The following DRGX variants were observed in gnomAD, a reference collection of about 807,000 sequenced individuals.
DRGX encodes the protein dorsal root ganglia homeobox protein.
In DRGX, 21 loss-of-function variants were observed where a neutral mutation model predicts 28.6. The ratio of observed to expected loss-of-function variants is 0.73; its 90% CI spans 0.52 to 1.06. The LOEUF (loss-of-function observed/expected upper bound fraction) is 1.06. DRGX is among the 50% of genes least tolerant of loss of function. The probability of loss-of-function intolerance (pLI) is 0.00; values close to 1 mark genes in which losing one functional copy is unlikely to be tolerated. For missense variants in DRGX, 354 were observed against 343.9 expected, an observed-to-expected ratio of 1.03 and a Z score of -0.23; for synonymous variants, 136 against 139.1, an observed-to-expected ratio of 0.98 and a Z score of 0.16.
At chr10:49,387,605 G>T (rs564997387) in intron 4 of DRGX, among the ~76,000 whole-genome samples, 1 of 150,940 alleles carries the variant, frequency 6.6e-6, no homozygotes, top group African/African-American at 2.4e-5. Context: ...AGAGGTCGCA[G>T]TGAGCCGAGA....
Position 49,382,300 on chromosome 10 carries a change from C to T in DRGX, c.526+4178G>A, listed in dbSNP as rs1041077580. ...GTGATGTGTGAGCAAGCGACTTCCC[C>T]TCCCCAAGCCTCGGTTTCTCATTTA... On this transcript the variant is annotated intron_variant, in intron 6 of 6. Transcript: ENST00000374139. 2.0e-5 allele frequency among the ~76,000 whole-genome samples: 3 copies of T among 152,176 alleles called. No individual in the cohort carries two copies. The South Asian group carries it at 6.2e-4, about 32-fold the overall frequency.
At chr10:49,371,124 A>T (rs1289989811) in intron 6 of DRGX, among the ~76,000 whole-genome samples, 2 of 152,154 alleles carry the variant, frequency 1.3e-5, no homozygotes, top group African/African-American at 4.8e-5. Context: ...TTTGCAAAGG[A>T]AAAAAATTAT....
chr10:49,384,164 A>G (rs1338739500), intron 6 of DRGX, among the ~76,000 whole-genome samples: 1 of 152,200 alleles, frequency 6.6e-6, no homozygotes, highest in African/African-American at 2.4e-5. Flanking sequence ...GGCCTCTCTC[A>G]GAAGTGGGAA....
intron 3 of DRGX, 60 bp downstream of exon 3, chr10:49,391,104 A>G (rs1849898341): frequency 1.3e-6 from 2 of 1,543,834 alleles, no homozygotes. Context: ...GAGTTGCTCA[A>G]CTTTGATTTG....
At chr10:49,379,558 C>T (rs900625328) in intron 6 of DRGX, among the ~76,000 whole-genome samples, 1 of 152,204 alleles carries the variant, frequency 6.6e-6, no homozygotes, top group African/African-American at 2.4e-5. Context: ...TGTGGACAAA[C>T]GCTATGGCCA....
At chr10:49,385,770 C>T (rs886990945) in intron 6 of DRGX, among the ~76,000 whole-genome samples, 4 of 152,038 alleles carry the variant, frequency 2.6e-5, no homozygotes, top group African/African-American at 4.8e-5. Context: ...AAACGAGCCC[C>T]CTAACACTCA....
chr10:49,366,501 A>G lies in DRGX; in HGVS notation c.527-120T>C, dbSNP rs1590359197. Reference sequence around the variant, plus strand: ...AGATTGATTCCCTCTGGTGCCAGATACTAAAGGGAGAAGGACAAGTGCTCA... The same window carrying G: ...AGATTGATTCCCTCTGGTGCCAGATGCTAAAGGGAGAAGGACAAGTGCTCA... On this transcript the variant is annotated intron_variant, in intron 6 of 6. Coordinates refer to ENST00000374139, the MANE Select transcript of DRGX (RefSeq NM_001276451.2). 15 of 1,397,256 alleles carry G rather than the reference A, an allele frequency of 1.1e-5. No homozygotes were observed. In the East Asian group the frequency reaches 2.4e-4, roughly 23 times the overall value. The allele number at this position is 1,397,256 out of a possible 1,614,324, so 86.6% of individuals were successfully genotyped here.
chr10:49,387,595 A>G (rs1849853722), intron 4 of DRGX, among the ~76,000 whole-genome samples: 1 of 151,032 alleles, frequency 6.6e-6, no homozygotes, highest in Non-Finnish European at 1.5e-5. Flanking sequence ...CCCGGGAGGT[A>G]GAGGTCGCAG....
At chr10:49,395,108 T>A (rs934079813) in intron 2 of DRGX, among the ~76,000 whole-genome samples, 6 of 152,134 alleles carry the variant, frequency 3.9e-5, no homozygotes, top group Admixed American at 6.5e-5. Flanking sequence ...GAGCCCCAAT[T>A]AGAGGCGTGA....
chr10:49,395,171 C>G (rs1457569537), intron 2 of DRGX, among the ~76,000 whole-genome samples: 1 of 152,210 alleles, frequency 6.6e-6, no homozygotes, highest in African/African-American at 2.4e-5. Context: ...ACGCCTAGCC[C>G]GGGGCGTCCT....
At chr10:49,370,203 G>T (rs1487480324) in intron 6 of DRGX, among the ~76,000 whole-genome samples, 1 of 152,044 alleles carries the variant, frequency 6.6e-6, no homozygotes, top group African/African-American at 2.4e-5. Flanking sequence ...TCTGGAGTTC[G>T]AGACCAGCCT....
intron 6 of DRGX, among the ~76,000 whole-genome samples, chr10:49,379,319 C>T (rs1344417725): frequency 1.3e-5 from 2 of 152,076 alleles, no homozygotes; most frequent in African/African-American, 4.8e-5. Context: ...GCAAGCAAGG[C>T]CATTTGGATG....
At chr10:49,371,312 A>C (rs1246023325) in intron 6 of DRGX, among the ~76,000 whole-genome samples, 1 of 152,156 alleles carries the variant, frequency 6.6e-6, no homozygotes, top group Non-Finnish European at 1.5e-5. Context: ...ATAGCTACTG[A>C]GTAAAAATCC....
rs113301174 is a variant in DRGX, at chr10:49,370,451, G to A, written c.527-4070C>T. On this transcript the variant is annotated intron_variant, in intron 6 of 6. Transcript: ENST00000374139. ...GGCACACAGCCCAACAGGTGCCGTC[G>A]CTCCCTTTCCTCATCTGCACCCCAA... is the stretch of plus-strand genomic sequence containing the variant. 2.4e-3 allele frequency among the ~76,000 whole-genome samples: 363 copies of A among 152,278 alleles called. 2 individuals carry two copies. The highest frequency in any genetic ancestry group is 8.1e-3 in the African/African-American group (337 of 41,562).
chr10:49,381,181 C>T (rs905415568), intron 6 of DRGX, among the ~76,000 whole-genome samples: 107 of 152,254 alleles, frequency 7.0e-4, no homozygotes, highest in African/African-American at 2.6e-3. Flanking sequence ...GATTGCCTAG[C>T]TCTGTCCCTG....
chr10:49,394,177 C>T (rs558219161), intron 2 of DRGX, among the ~76,000 whole-genome samples: 162 of 152,260 alleles, frequency 1.1e-3, no homozygotes, highest in African/African-American at 3.6e-3. Flanking sequence ...AATGTGTGGC[C>T]TTCCCTTCCT....
intron 4 of DRGX, among the ~76,000 whole-genome samples, chr10:49,387,662 C>CAAAAAAAA: frequency 8.4e-6 from 1 of 119,336 alleles, no homozygotes; most frequent in Non-Finnish European, 1.7e-5. Context: ...GACTCCATCA[C>CAAAAAAAA]AAAAAAAAAA....
chr10:49,372,153 T>C (rs866952984), intron 6 of DRGX, among the ~76,000 whole-genome samples: 3 of 152,174 alleles, frequency 2.0e-5, no homozygotes, highest in South Asian at 4.1e-4. Flanking sequence ...CTTTGAAAAC[T>C]GCACCAAGCC....
chr10:49,384,139 T>C (rs1387203355), intron 6 of DRGX, among the ~76,000 whole-genome samples: 23 of 152,202 alleles, frequency 1.5e-4, no homozygotes, highest in Admixed American at 1.5e-3. Context: ...GGTAGCAACA[T>C]GTGCCTTTTA....
Sources: gnomAD v4.1 joint callset for allele counts (sites outside exome capture counted in the v4.1 genomes callset) on GRCh38, gnomAD v4.1.1 for gene constraint, MANE v1.5 for transcripts, NCBI Gene and HGNC (gene_info 2026-07-23, HGNC 2026-07-21) for gene names.